TOR1AIP2: variants seen among roughly 807,000 people sequenced by gnomAD.
TOR1AIP2 encodes torsin-1A-interacting protein 2.
Under a neutral mutation model 32.6 loss-of-function variants are expected in TOR1AIP2, and 20 were observed. That is an observed-to-expected ratio of 0.61 (90% CI 0.43 to 0.89). TOR1AIP2 has a LOEUF of 0.89. Among genes scored for constraint, TOR1AIP2 ranks in the 40% least tolerant of loss-of-function variants. The pLI is 0.00. For missense variants in TOR1AIP2, 456 were observed against 553.8 expected (o/e 0.82, Z 1.77); for synonymous variants, 214 against 210.8 (o/e 1.02, Z -0.13).
intron 3 of TOR1AIP2, chr1:179,862,743 C>T (rs1558020867): frequency 3.0e-6 from 2 of 674,742 alleles, no homozygotes; most frequent in African/African-American, 3.9e-5. Flanking sequence ...GCCTGGCCAA[C>T]ATGGTGAAAC....
intron 3 of TOR1AIP2, among the ~76,000 whole-genome samples, chr1:179,854,977 A>G (rs191033687): frequency 6.6e-6 from 1 of 152,186 alleles, no homozygotes; most frequent in Non-Finnish European, 1.5e-5. Flanking sequence ...ATATGCATAC[A>G]TACATAAGGA....
chr1:179,866,810 A>C (rs1039874165), intron 2 of TOR1AIP2, among the ~76,000 whole-genome samples: 4 of 152,210 alleles, frequency 2.6e-5, no homozygotes, highest in African/African-American at 9.6e-5. Context: ...AATGCATAGT[A>C]AATAAGTTGG....
chr1:179,858,238 T>A (rs1226574053), intron 3 of TOR1AIP2, among the ~76,000 whole-genome samples: 1 of 152,126 alleles, frequency 6.6e-6, no homozygotes, highest in East Asian at 1.9e-4. Flanking sequence ...TTGAAAGTAT[T>A]CCATTTTTTG....
At chr1:179,853,408 CAA>C (rs1275263281) in intron 3 of TOR1AIP2, among the ~76,000 whole-genome samples, 3 of 151,862 alleles carry the variant, frequency 2.0e-5, no homozygotes, top group African/African-American at 4.8e-5. Context: ...CAAAGACAGA[CAA>C]AGAAAATTAT....
In TOR1AIP2 at chr1:179,842,003, C is replaced by G. The variant is rs7545581; in HGVS notation, c.*4068G>C. ...ATCACTTGAGGTGAGGAGTTCGAGA[C>G]CAGCCTGGTCAACGTGGGGAAACCC... On this transcript the variant is annotated 3_prime_UTR_variant, in exon 7 of 7. Transcript: ENST00000609928. 1.3e-5 allele frequency: 2 copies of G among 152,178 alleles called. No individual in the cohort carries two copies. The highest frequency in any genetic ancestry group is 3.9e-4 in the East Asian group (2 of 5,194). The allele number at this position is 152,178 out of a possible 1,614,324, so 9.4% of individuals were successfully genotyped here.
intron 4 of TOR1AIP2, 43 bp from the exon 5 acceptor site, chr1:179,851,406 C>T: frequency 7.2e-7 from 1 of 1,388,050 alleles, no homozygotes. Context: ...AAAAAATTCC[C>T]CATAAATTTA....
chr1:179,857,141 T>G (rs1696332320), intron 3 of TOR1AIP2, among the ~76,000 whole-genome samples: 1 of 152,242 alleles, frequency 6.6e-6, no homozygotes, highest in Non-Finnish European at 1.5e-5. Context: ...GTGCTTCATA[T>G]GGCAACAAAA....
At chr1:179,863,654 C>T in intron 3 of TOR1AIP2, 2 of 960,360 alleles carry the variant, frequency 2.1e-6, no homozygotes, top group Non-Finnish European at 1.2e-6. Context: ...TACAGCAAGA[C>T]TCTGTCACTA....
At chr1:179,877,634 A>C (rs1647436490) in intron 1 of TOR1AIP2, 59 bp downstream of exon 1, 2 of 152,240 alleles carry the variant, frequency 1.3e-5, no homozygotes, top group African/African-American at 4.8e-5. Context: ...TCAAAAATTC[A>C]AGATATCAGT....
rs1431063094 is a variant in TOR1AIP2 at position 179,846,191 on chromosome 1, A to G, written c.1293T>C (p.Thr431=). The G allele has an allele frequency of 1.9e-6, 3 of 1,614,158 alleles. No individual in the cohort carries two copies. Among genetic ancestry groups the G allele is most frequent in the Non-Finnish European group, 2.5e-6 (3 of 1,180,030 alleles). Residue 431 remains threonine (T), a synonymous_variant, in exon 7 of 7, where the codon ACT becomes ACC. Coordinates refer to ENST00000609928, the MANE Select transcript of TOR1AIP2 (RefSeq NM_001199260.2). ...LLWAKFTNSD[T]PTSFNHMDSD... ...AGTCCATGTGGTTGAAGGAGGTGGGAGTGTCAGAGTTGGTAAACTTGGCCC... is the reference window on the plus strand; with the variant it reads ...AGTCCATGTGGTTGAAGGAGGTGGGGGTGTCAGAGTTGGTAAACTTGGCCC...
intron 3 of TOR1AIP2, 65 bp from the exon 4 acceptor site, chr1:179,852,876 G>A (rs1237977899): frequency 8.6e-7 from 1 of 1,162,416 alleles, no homozygotes; most frequent in East Asian, 3.3e-5. Context: ...GCAAGTATCA[G>A]CTTTATTTAT....
chr1:179,859,324 A>C (rs1696423936), intron 3 of TOR1AIP2: 1 of 872,068 alleles, frequency 1.1e-6, no homozygotes, highest in Non-Finnish European at 1.4e-6. Context: ...GAGATGAGGA[A>C]ACTGAGATAC....
intron 3 of TOR1AIP2, among the ~76,000 whole-genome samples, chr1:179,853,949 C>G (rs1340911389): frequency 1.3e-5 from 2 of 152,134 alleles, no homozygotes; most frequent in Non-Finnish European, 2.9e-5. Flanking sequence ...TGGGATTGGG[C>G]TTTCAAGCCA....
At position 179,846,964 on chromosome 1, in the gene TOR1AIP2, T is replaced by A. The variant is rs988506900; in HGVS notation, c.656-136A>T. On this transcript the variant is annotated intron_variant, in intron 6 of 6. Coordinates refer to ENST00000609928, the MANE Select transcript of TOR1AIP2 (RefSeq NM_001199260.2). Reference sequence around the variant, plus strand: ...ATAAGTTTCTTTTGCATAAATTGTTTAAACTTTCAATCCACCAGAAGTACC... The same window carrying A: ...ATAAGTTTCTTTTGCATAAATTGTTAAAACTTTCAATCCACCAGAAGTACC... 2.1e-5 allele frequency: 19 copies of A among 885,990 alleles called. No individual in the cohort carries two copies. The African/African-American group carries it at 3.2e-4, about 15-fold the overall frequency. The allele number at this position is 885,990 out of a possible 1,614,324, so 54.9% of individuals were successfully genotyped here. A position where few individuals can be genotyped will look rare whatever the true frequency, so the allele number is the denominator to read the frequency against.
rs565654170 is a variant in TOR1AIP2, at chr1:179,870,355, C to T, written c.-565-4501G>A. Among the ~76,000 whole-genome samples, 11 of 151,788 alleles carry T rather than the reference C, an allele frequency of 7.2e-5. 1 individual carries two copies. Among genetic ancestry groups the T allele is most frequent in the South Asian group, 6.2e-4 (3 of 4,806 alleles). On this transcript the variant is annotated intron_variant, in intron 2 of 6. Transcript: ENST00000609928. ...CGGAGCTTGCAGTGAGCCAAGATCG[C>T]GCCACTGCACTCCAGCCTGGGGGAC...
chr1:179,862,125 A>T (rs1336169219), intron 3 of TOR1AIP2: 5 of 985,168 alleles, frequency 5.1e-6, no homozygotes, highest in Non-Finnish European at 6.0e-6. Flanking sequence ...TTAGGTATTG[A>T]TTTGAGAAAT....
chr1:179,867,911 C>T (rs1696850868), intron 2 of TOR1AIP2: 1 of 152,240 alleles, frequency 6.6e-6, no homozygotes, highest in South Asian at 2.1e-4. Context: ...TAGGCAAGAG[C>T]CACCAGGGGG....
chr1:179,846,079 G>A lies in TOR1AIP2; in HGVS notation c.1405C>T (p.Leu469Phe), dbSNP rs1347606809. 2 of 1,612,716 alleles carry A rather than the reference G, an allele frequency of 1.2e-6. No individual in the cohort carries two copies. Among genetic ancestry groups the A allele is most frequent in the Non-Finnish European group, 1.7e-6 (2 of 1,179,036 alleles). Residue 469 changes from leucine to phenylalanine, a missense_variant, in exon 7 of 7, where the codon CTT (leucine) becomes TTT (phenylalanine). Coordinates refer to ENST00000609928, the MANE Select transcript of TOR1AIP2 (RefSeq NM_001199260.2). ...CAACTCTGTGCTTAGCTTTAGAAAA[G>A]GCACCCCTGTTCTTCTATGCTACTC... ...PVSSIEEQGCLF is the reference protein window; with the variant it reads ...PVSSIEEQGCFF
At chr1:179,865,376 T>C in intron 3 of TOR1AIP2, 60 bp downstream of exon 3, 3 of 623,388 alleles carry the variant, frequency 4.8e-6, no homozygotes, top group Non-Finnish European at 8.2e-6. Flanking sequence ...TTTCACTCAA[T>C]TGCAACTCAG....
Sources: gnomAD v4.1 joint callset for allele counts (sites outside exome capture counted in the v4.1 genomes callset) on GRCh38, gnomAD v4.1.1 for gene constraint, MANE v1.5 for transcripts, NCBI Gene and HGNC (gene_info 2026-07-23, HGNC 2026-07-21) for gene names.